Variants in SNTB1 observed in about 807,000 individuals in gnomAD.
SNTB1 encodes the protein syntrophin beta 1, also known as beta-1-syntrophin.
Under a neutral mutation model 48.9 loss-of-function variants are expected in SNTB1, and 36 were observed. The ratio of observed to expected loss-of-function variants is 0.74; its 90% CI spans 0.56 to 0.97. The LOEUF (loss-of-function observed/expected upper bound fraction) is 0.97, where lower values mean the gene tolerates loss of function less well. Among genes scored for constraint, SNTB1 ranks in the 50% least tolerant of loss-of-function variants. The pLI is 0.00. For synonymous variants in SNTB1, 299 were observed against 294.6 expected (o/e 1.01, Z -0.15); for missense variants, 786 against 703.4 (o/e 1.12, Z -1.33).
rs191670545 is a variant in SNTB1 at position 120,586,015 on chromosome 8, C to T, written c.997-10790G>A. On this transcript the variant is annotated intron_variant, in intron 3 of 6. Coordinates refer to ENST00000517992, the MANE Select transcript of SNTB1 (RefSeq NM_021021.4). The stretch of plus-strand genomic sequence containing the variant: ...AGCTCATGGGATAGAAAACACTGGA[C>T]ACAAAACACATCCCTTCAGCAGTGT... 7.6e-4 allele frequency among the ~76,000 whole-genome samples: 115 copies of T among 152,276 alleles called. 1 individual carries two copies. The highest frequency in any genetic ancestry group is 1.4e-3 in the Non-Finnish European group (92 of 68,024).
chr8:120,719,390 C>G (rs958038228), intron 1 of SNTB1, among the ~76,000 whole-genome samples: 1 of 152,262 alleles, frequency 6.6e-6, no homozygotes, highest in Non-Finnish European at 1.5e-5. Flanking sequence ...GACTGGCTTC[C>G]TTGCTCCTCA....
intron 1 of SNTB1, among the ~76,000 whole-genome samples, chr8:120,733,834 T>C (rs1287083285): frequency 2.0e-5 from 3 of 151,968 alleles, no homozygotes; most frequent in Non-Finnish European, 4.4e-5. Flanking sequence ...CAAGGAAGAG[T>C]AGGCTGCTAT....
At position 120,751,451 on chromosome 8, in the gene SNTB1, T is replaced by C. The variant is rs542013325; in HGVS notation, c.572-57543A>G. 1.3e-5 allele frequency among the ~76,000 whole-genome samples: 2 copies of C among 151,392 alleles called. 1 individual carries two copies. The highest frequency in any genetic ancestry group is 2.9e-5 in the Non-Finnish European group (2 of 67,994). ...TTATTACTGCACATTCAAATAGCCA[T>C]ACGAATTAAATCTTAAAGGATACTT... On this transcript the variant is annotated intron_variant, in intron 1 of 6. Coordinates refer to ENST00000517992, the MANE Select transcript of SNTB1 (RefSeq NM_021021.4).
chr8:120,753,905 G>C (rs1480763133), intron 1 of SNTB1, among the ~76,000 whole-genome samples: 1 of 152,154 alleles, frequency 6.6e-6, no homozygotes, highest in Non-Finnish European at 1.5e-5. Context: ...CAAAAGATAG[G>C]AGCGAATTAT....
chr8:120,702,900 T>G (rs1327115971), intron 1 of SNTB1, among the ~76,000 whole-genome samples: 1 of 152,190 alleles, frequency 6.6e-6, no homozygotes, highest in East Asian at 1.9e-4. Flanking sequence ...AAAATGAGGA[T>G]GCATAGCCAT....
chr8:120,723,975 G>T (rs1461647486), intron 1 of SNTB1, among the ~76,000 whole-genome samples: 2 of 152,220 alleles, frequency 1.3e-5, no homozygotes, highest in African/African-American at 4.8e-5. Flanking sequence ...CAAAGACTGT[G>T]TTGGGAACTC....
intron 2 of SNTB1, among the ~76,000 whole-genome samples, chr8:120,663,013 G>T (rs1310919393): frequency 2.2e-5 from 2 of 88,900 alleles, no homozygotes; most frequent in Non-Finnish European, 4.7e-5. Flanking sequence ...GTGTGGGGGT[G>T]GGGGGGCTGG....
chr8:120,622,479 T>C (rs754603811), intron 3 of SNTB1, among the ~76,000 whole-genome samples: 8 of 152,138 alleles, frequency 5.3e-5, no homozygotes, highest in Non-Finnish European at 1.0e-4. Context: ...CCAGTACTAT[T>C]AGAAGTAATA....
At chr8:120,782,261 A>G (rs1294066958) in intron 1 of SNTB1, among the ~76,000 whole-genome samples, 1 of 152,160 alleles carries the variant, frequency 6.6e-6, no homozygotes, top group East Asian at 1.9e-4. Context: ...TATTTGCAAC[A>G]ATCCTATTTT....
intron 2 of SNTB1, among the ~76,000 whole-genome samples, chr8:120,688,667 A>G (rs1024257834): frequency 1.3e-5 from 2 of 152,226 alleles, no homozygotes; most frequent in African/African-American, 4.8e-5. Context: ...AAGGGCAAGT[A>G]GGAAGTTGTC....
At chr8:120,661,948 T>C (rs1817595929) in intron 2 of SNTB1, among the ~76,000 whole-genome samples, 1 of 152,224 alleles carries the variant, frequency 6.6e-6, no homozygotes, top group Non-Finnish European at 1.5e-5. Flanking sequence ...TTTTAAATCA[T>C]TTTCCAGAGA....
chr8:120,690,376 T>C (rs1003599019), intron 2 of SNTB1, among the ~76,000 whole-genome samples: 1 of 152,170 alleles, frequency 6.6e-6, no homozygotes, highest in African/African-American at 2.4e-5. Flanking sequence ...TGGAAAGTGG[T>C]ATATGTTGAA....
At chr8:120,676,325 A>G (rs1236260584) in intron 2 of SNTB1, among the ~76,000 whole-genome samples, 1 of 152,252 alleles carries the variant, frequency 6.6e-6, no homozygotes, top group Non-Finnish European at 1.5e-5. Context: ...TCAAGAAGTT[A>G]TGCACTTGAG....
intron 4 of SNTB1, among the ~76,000 whole-genome samples, chr8:120,555,934 A>G (rs965578356): frequency 6.6e-6 from 1 of 152,140 alleles, no homozygotes; most frequent in African/African-American, 2.4e-5. Flanking sequence ...CTCACCAGAA[A>G]TCAATCCTGA....
intron 2 of SNTB1, among the ~76,000 whole-genome samples, chr8:120,636,332 G>A (rs1375687915): frequency 2.1e-5 from 3 of 145,656 alleles, no homozygotes; most frequent in African/African-American, 5.0e-5. Context: ...ATGCTGGTGC[G>A]CTGCACCCAC....
intron 4 of SNTB1, among the ~76,000 whole-genome samples, chr8:120,555,177 C>T (rs1232811446): frequency 1.3e-5 from 2 of 152,076 alleles, no homozygotes; most frequent in African/African-American, 2.4e-5. Context: ...GGTTGTCCCG[C>T]GCCAGGAAAA....
chr8:120,550,369 C>T (rs1815458912), intron 4 of SNTB1, among the ~76,000 whole-genome samples: 1 of 151,782 alleles, frequency 6.6e-6, no homozygotes, highest in Non-Finnish European at 1.5e-5. Flanking sequence ...TGCGGAAACC[C>T]CGTCTCTACT....
At chr8:120,611,628 C>G (rs1478674087) in intron 3 of SNTB1, among the ~76,000 whole-genome samples, 2 of 151,838 alleles carry the variant, frequency 1.3e-5, no homozygotes, top group Non-Finnish European at 2.9e-5. Context: ...CGAGACCATC[C>G]TGGCTAACAC....
At chr8:120,735,781 C>T (rs1818931187) in intron 1 of SNTB1, among the ~76,000 whole-genome samples, 1 of 152,066 alleles carries the variant, frequency 6.6e-6, no homozygotes, top group Non-Finnish European at 1.5e-5. Flanking sequence ...AACTAATACA[C>T]CAGGGAACAA....
Sources: gnomAD v4.1 joint callset for allele counts (sites outside exome capture counted in the v4.1 genomes callset) on GRCh38, gnomAD v4.1.1 for gene constraint, MANE v1.5 for transcripts, NCBI Gene and HGNC (gene_info 2026-07-23, HGNC 2026-07-21) for gene names.